The following OTUD5 variants were observed in gnomAD, a reference collection of about 807,000 sequenced individuals.
OTUD5 encodes OTU deubiquitinase 5.
Under a neutral mutation model 36.3 loss-of-function variants are expected in OTUD5, and 2 were observed. The observed-to-expected ratio is 0.06, with a 90% CI of 0.02 to 0.17. The LOEUF is 0.17. Among genes scored for constraint, OTUD5 ranks in the 10% least tolerant of loss-of-function variants. The pLI is 1.00. For missense variants in OTUD5, 233 were observed against 512.3 expected, an observed-to-expected ratio of 0.45 and a Z score of 5.26; for synonymous variants, 234 against 214.9, an observed-to-expected ratio of 1.09 and a Z score of -0.78.
chrX:48,957,952 T>A, upstream of OTUD5: 1 of 435,013 alleles, frequency 2.3e-6, no homozygotes, highest in Non-Finnish European at 2.9e-6. Context: ...CACTACCGGG[T>A]GGGGCCCCGG....
intron 5 of OTUD5, among the ~76,000 whole-genome samples, chrX:48,929,136 C>T (rs1442074048): frequency 9.0e-6 from 1 of 111,507 alleles, no homozygotes; most frequent in Non-Finnish European, 1.9e-5. Context: ...GCCTGTAATT[C>T]CAGCACTTTG....
At chrX:48,948,439 G>A (rs1245125983) in intron 1 of OTUD5, among the ~76,000 whole-genome samples, 1 of 112,626 alleles carries the variant, frequency 8.9e-6, no homozygotes, top group African/African-American at 3.2e-5. Context: ...GCAAAGCCTA[G>A]TGTAGAGGCA....
intron 5 of OTUD5, 73 bp downstream of exon 5, chrX:48,934,387 TAGGG>T: frequency 1.1e-6 from 1 of 916,331 alleles, no homozygotes; most frequent in Non-Finnish European, 1.5e-6. Context: ...TTTTGTGAGT[TAGGG>T]GCAAAACAGA....
At chrX:48,956,941 G>A in intron 1 of OTUD5, 36 bp downstream of exon 1, 1 of 1,104,933 alleles carries the variant, frequency 9.1e-7, no homozygotes, top group Non-Finnish European at 1.2e-6. Flanking sequence ...GGTCCCATCT[G>A]CCGTGGCCGC....
upstream of OTUD5, chrX:48,957,728 A>AGGCGGC (rs1156647335): frequency 7.7e-4 from 513 of 663,550 alleles, 5 homozygotes; most frequent in African/African-American, 0.012. Flanking sequence ...GCGGCGGAGG[A>AGGCGGC]GGCGGCGGCG....
chrX:48,947,482 C>G (rs1481029271), intron 1 of OTUD5, among the ~76,000 whole-genome samples: 1 of 110,310 alleles, frequency 9.1e-6, no homozygotes, highest in Non-Finnish European at 1.9e-5. Context: ...GTGGGCGGAT[C>G]ACCTGAGGTC....
At chrX:48,925,234 C>T (rs918539296) in intron 6 of OTUD5, among the ~76,000 whole-genome samples, 1 of 97,466 alleles carries the variant, frequency 1.0e-5, no homozygotes, top group Admixed American at 1.2e-4. Context: ...GCCGAGACTG[C>T]GCCACTGCAC....
intron 5 of OTUD5, among the ~76,000 whole-genome samples, chrX:48,930,298 G>A (rs782154945): frequency 1.8e-5 from 2 of 111,299 alleles, no homozygotes; most frequent in Non-Finnish European, 3.8e-5. Flanking sequence ...TCTGCTACGC[G>A]TGTATATGGA....
intron 1 of OTUD5, among the ~76,000 whole-genome samples, chrX:48,946,282 G>C (rs782811719): frequency 8.9e-6 from 1 of 112,128 alleles, no homozygotes; most frequent in East Asian, 2.8e-4. Flanking sequence ...GGGATATGTT[G>C]ATCTACCGGA....
intron 5 of OTUD5, among the ~76,000 whole-genome samples, chrX:48,934,234 C>T (rs186457095): frequency 7.2e-5 from 8 of 111,505 alleles, no homozygotes; most frequent in East Asian, 2.8e-4. Flanking sequence ...CAGCCCTCAA[C>T]GGGCACAAAA....
intron 2 of OTUD5, among the ~76,000 whole-genome samples, chrX:48,939,030 C>T (rs2063875353): frequency 8.9e-6 from 1 of 111,911 alleles, no homozygotes. Flanking sequence ...TACAATACTA[C>T]AATTGGTCCC....
intron 5 of OTUD5, among the ~76,000 whole-genome samples, chrX:48,934,128 G>A (rs782561864): frequency 9.0e-6 from 1 of 111,229 alleles, no homozygotes; most frequent in South Asian, 3.7e-4. Flanking sequence ...ATGGCTGTCT[G>A]TAACCACTAT....
intron 1 of OTUD5, among the ~76,000 whole-genome samples, chrX:48,945,121 A>G (rs145417253): frequency 2.7e-5 from 3 of 111,095 alleles, no homozygotes; most frequent in African/African-American, 9.8e-5. Flanking sequence ...ACACATATAT[A>G]CATATGTATG....
rs1388303989 is a variant in OTUD5 at position 48,934,398 on chromosome X, C to T, written c.1059+66G>A. The T allele has an allele frequency of 6.0e-6, 6 of 999,851 alleles. No homozygotes were observed. In the African/African-American group the frequency reaches 1.0e-4, roughly 17 times the overall value. The allele number at this position is 999,851 out of a possible 1,213,427, so 82.4% of individuals were successfully genotyped here. On this transcript the variant is annotated intron_variant, in intron 5 of 8. Transcript: ENST00000376488. ...ATATTTTTGTGAGTTAGGGGCAAAA[C>T]AGACTCCAACAGAGGTTTCTGACCT...
chrX:48,928,167 T>C (rs1269178270), intron 5 of OTUD5, among the ~76,000 whole-genome samples: 1 of 112,413 alleles, frequency 8.9e-6, no homozygotes, highest in Non-Finnish European at 1.9e-5. Flanking sequence ...ATCATTATGG[T>C]GGGCATGCAA....
chrX:48,932,979 C>G (rs1036818979), intron 5 of OTUD5, among the ~76,000 whole-genome samples: 2 of 109,405 alleles, frequency 1.8e-5, no homozygotes, highest in Non-Finnish European at 3.8e-5. Context: ...GAGTGAGACC[C>G]TGTCTCTCCA....
At chrX:48,929,862 G>T (rs1230547316) in intron 5 of OTUD5, among the ~76,000 whole-genome samples, 1 of 111,770 alleles carries the variant, frequency 8.9e-6, no homozygotes, top group Non-Finnish European at 1.9e-5. Context: ...CCAGCACTTT[G>T]GGAGGCCGAG....
chrX:48,956,149 T>C (rs782088822), intron 1 of OTUD5, among the ~76,000 whole-genome samples: 26 of 112,115 alleles, frequency 2.3e-4, no homozygotes, highest in South Asian at 3.7e-4. Context: ...AGGCCACTGA[T>C]AGGAAATGCA....
chrX:48,942,240 CACAT>C (rs1557051233), intron 2 of OTUD5, among the ~76,000 whole-genome samples: 2 of 81,340 alleles, frequency 2.5e-5, no homozygotes, highest in Admixed American at 1.4e-4. Flanking sequence ...GATACACACA[CACAT>C]ACACACACAC....
Sources: allele counts gnomAD v4.1 joint callset (sites outside exome capture counted in the v4.1 genomes callset), GRCh38; gene constraint gnomAD v4.1.1; transcripts MANE v1.5; gene names NCBI Gene and HGNC (gene_info 2026-07-23, HGNC 2026-07-21).